The following SPG7 variants were observed in gnomAD, a reference collection of about 807,000 sequenced individuals.
The protein encoded by SPG7 is SPG7 matrix AAA peptidase subunit, paraplegin, also known as mitochondrial inner membrane m-AAA protease component paraplegin.
A neutral mutation model predicts 81.9 loss-of-function variants in SPG7; 103 were observed. The observed-to-expected ratio is 1.26, with a 90% CI of 1.07 to 1.48. The LOEUF is 1.48. SPG7 is among the 40% of genes most tolerant of loss of function. The pLI is 0.00. For missense variants in SPG7, 1,241 were observed against 1,087.3 expected (o/e 1.14, Z -1.99); for synonymous variants, 534 against 444.2 (o/e 1.20, Z -2.54).
Position 89,524,007 on chromosome 16 carries a change from G to A in SPG7, c.378G>A (p.Glu126=). The change falls in exon 4 of 17, where the codon GAG becomes GAA. Residue 126 remains glutamate (E), a splice_region_variant and synonymous_variant. Transcript: ENST00000645818. ...CCTTTTGCTTCTCTGCCGGCTCAGA[G>A]GAGAGGAGACGCCGTGAGCGGGACG... ...SKGKAPEEDE[E]ERRRRERDDQ... is the part of the protein sequence containing the mutation. The A allele has an allele frequency of 6.2e-7, 1 of 1,612,446 alleles. No individual in the cohort carries two copies. The highest frequency in any genetic ancestry group is 8.5e-7 in the Non-Finnish European group (1 of 1,180,016).
chr16:89,537,723 C>A, intron 9 of SPG7: 1 of 985,316 alleles, frequency 1.0e-6, no homozygotes, highest in African/African-American at 1.7e-5. Flanking sequence ...AGCATGTGAG[C>A]TTGGCAGTGC....
At chr16:89,518,829 G>A (rs946771592) in intron 3 of SPG7, 3 of 152,190 alleles carry the variant, frequency 2.0e-5, no homozygotes, top group East Asian at 3.8e-4. Context: ...CCTCAGCTGC[G>A]GTGGGCACAC....
At chr16:89,527,112 C>A (rs1487053529) in intron 5 of SPG7, 1 of 162,864 alleles carries the variant, frequency 6.1e-6, no homozygotes, top group Non-Finnish European at 1.4e-5. Flanking sequence ...CTATTTCAAT[C>A]GTTGTTATAC....
intron 3 of SPG7, chr16:89,517,391 C>T (rs891775272): frequency 2.6e-5 from 4 of 152,206 alleles, no homozygotes; most frequent in African/African-American, 9.7e-5. Context: ...CCTCCGTTGC[C>T]ATGGCAAGGC....
intron 1 of SPG7, 63 bp downstream of exon 1, chr16:89,508,663 G>C: frequency 1.4e-6 from 2 of 1,409,864 alleles, no homozygotes; most frequent in Non-Finnish European, 1.9e-6. Context: ...GGCCCAGCCC[G>C]GCGGGGCGGG....
chr16:89,536,727 C>A (rs754485548), intron 9 of SPG7: 1 of 1,612,286 alleles, frequency 6.2e-7, no homozygotes, highest in Admixed American at 1.7e-5. Flanking sequence ...ACACCAAGGT[C>A]TTCGTCCTGT....
chr16:89,512,251 A>G (rs928950891), intron 2 of SPG7, among the ~76,000 whole-genome samples: 3 of 150,144 alleles, frequency 2.0e-5, no homozygotes, highest in Non-Finnish European at 4.4e-5. Flanking sequence ...ATTTTGAGAC[A>G]GCTCTGTGTG....
chr16:89,543,286 A>G (rs35878298), intron 9 of SPG7: 18,743 of 147,222 alleles, frequency 0.13, 1,535 homozygotes, highest in Middle Eastern at 0.2. Context: ...CTGTTCTTAC[A>G]TTAGTCAAGG....
At chr16:89,523,438 G>GT (rs1388113977) in intron 3 of SPG7, 1 of 339,758 alleles carries the variant, frequency 2.9e-6, no homozygotes, top group Non-Finnish European at 5.8e-6. Context: ...AAAGGTATTT[G>GT]TTTTAATCGT....
At chr16:89,550,058 C>T (rs1044672674) in intron 12 of SPG7, 16 of 288,156 alleles carry the variant, frequency 5.6e-5, no homozygotes, top group Non-Finnish European at 8.2e-5. Flanking sequence ...TGTCCAGAGC[C>T]GCAGCTGCAG....
rs953713369 is a variant in SPG7 at position 89,557,468 on chromosome 16, G to A, written c.*375G>A. The A allele has an allele frequency of 1.7e-5, 5 of 294,256 alleles. No homozygotes were observed. The highest frequency in any genetic ancestry group is 4.8e-5 in the Admixed American group (1 of 20,700). 18.2% of individuals were successfully genotyped at this position (294,256 alleles called of 1,614,324 possible). A position where few individuals can be genotyped will look rare whatever the true frequency, so the allele number is the denominator to read the frequency against. On this transcript the variant is annotated 3_prime_UTR_variant, in exon 17 of 17. Transcript: ENST00000645818. ...TGTTCATGCCGACGCTTGCACGACC[G>A]CCCCAGTTCCTGTGGCTCCCTCGGA... is the stretch of plus-strand genomic sequence containing the variant.
intron 5 of SPG7, 132 bp from the exon 6 acceptor site, chr16:89,529,345 G>C: frequency 1.4e-6 from 1 of 708,790 alleles, no homozygotes; most frequent in South Asian, 1.5e-5. Flanking sequence ...ATTTTAATCT[G>C]CGCATCGGTC....
chr16:89,554,906 G>C, intron 16 of SPG7: 1 of 256,890 alleles, frequency 3.9e-6, no homozygotes, highest in Non-Finnish European at 7.7e-6. Context: ...TAATTTTAGA[G>C]TAGGAATTTT....
rs138516016 is a variant in SPG7 at position 89,555,283 on chromosome 16, A to G, written c.2181+720A>G. ...TTTAGTAGAGGTGGGGTTTTACCAC[A>G]TTGGCCAGGCTGGTCTTGAACTCCT... On this transcript the variant is annotated intron_variant, in intron 16 of 16. Coordinates refer to ENST00000645818, the MANE Select transcript of SPG7 (RefSeq NM_003119.4). The G allele has an allele frequency of 9.4e-3, 1,441 of 152,594 alleles. 29 individuals carry two copies. The highest frequency in any genetic ancestry group is 0.033 in the African/African-American group (1,383 of 41,490). 9.5% of individuals were successfully genotyped at this position (152,594 alleles called of 1,614,324 possible).
chr16:89,514,449 T>C (rs1191667322), intron 3 of SPG7: 4 of 150,638 alleles, frequency 2.7e-5, no homozygotes, highest in Non-Finnish European at 4.4e-5. Flanking sequence ...GCCTCCGAAG[T>C]AGCTGGGATT....
chr16:89,548,305 T>C, intron 12 of SPG7, 192 bp downstream of exon 12: 1 of 571,398 alleles, frequency 1.8e-6, no homozygotes. Context: ...ATCACAGATT[T>C]ACCTAAGAGT....
intron 7 of SPG7, 164 bp from the exon 8 acceptor site, chr16:89,531,740 G>A (rs1051105158): frequency 8.6e-6 from 6 of 699,862 alleles, no homozygotes; most frequent in African/African-American, 7.1e-5. Flanking sequence ...CTACTCGAGA[G>A]GCTGAGGTGA....
intron 16 of SPG7, chr16:89,555,686 C>T (rs1002379006): frequency 1.0e-4 from 40 of 395,366 alleles, no homozygotes; most frequent in African/African-American, 7.4e-4. Context: ...TTTTGTAGGA[C>T]GTTCCTCAGT....
At chr16:89,512,467 C>A (rs1381152965) in intron 2 of SPG7, among the ~76,000 whole-genome samples, 1 of 152,040 alleles carries the variant, frequency 6.6e-6, no homozygotes, top group Non-Finnish European at 1.5e-5. Context: ...CGCCTGCCAA[C>A]ACGTCCGGCT....
Sources: gnomAD v4.1 joint callset for allele counts (sites outside exome capture counted in the v4.1 genomes callset) on GRCh38, gnomAD v4.1.1 for gene constraint, MANE v1.5 for transcripts, NCBI Gene and HGNC (gene_info 2026-07-23, HGNC 2026-07-21) for gene names.